Variants in HDAC10 observed in about 807,000 individuals in gnomAD.
HDAC10 encodes the protein histone deacetylase 10.
Under a neutral mutation model 82.3 loss-of-function variants are expected in HDAC10, and 90 were observed. The ratio of observed to expected loss-of-function variants is 1.09; its 90% confidence interval spans 0.92 to 1.30. The LOEUF (loss-of-function observed/expected upper bound fraction) is 1.30. Among genes scored for constraint, HDAC10 ranks in the 50% most tolerant of loss-of-function variants. HDAC10 has a pLI of 0.00. For missense variants in HDAC10, 934 were observed against 876.3 expected (o/e 1.07, Z -0.83); for synonymous variants, 456 against 391.7 (o/e 1.16, Z -1.94).
Position 50,249,825 on chromosome 22 carries a change from T to C in HDAC10, c.494+35A>G, listed in dbSNP as rs1385148778. On this transcript the variant is annotated intron_variant, in intron 5 of 19. Transcript: ENST00000216271. The surrounding 1 kb of genome is among the most constrained non-coding windows in gnomAD (Gnocchi z 4.4). ...CTGCGCTGCCCCTTGCTGTGTGGCC[T>C]GGGCCCACCCCCCTGCAGCCAGCCT... The C allele has an allele frequency of 1.9e-6, 3 of 1,604,566 alleles. No individual in the cohort carries two copies. The highest frequency in any genetic ancestry group is 2.7e-5 in the African/African-American group (2 of 74,836).
chr22:50,249,362 C>T lies in HDAC10; in HGVS notation c.656G>A (p.Gly219Asp). 1 of 1,612,258 alleles carries T rather than the reference C, an allele frequency of 6.2e-7. No individual in the cohort carries two copies. Among genetic ancestry groups the T allele is most frequent in the East Asian group, 2.2e-5 (1 of 44,864 alleles). The change falls in exon 7 of 20, where the codon GGC becomes GAC. Residue 219 changes from glycine (G) to aspartate (D), a missense_variant. Physicochemically the swap from Gly to Asp is moderately conservative, Grantham distance 94. Coordinates refer to ENST00000216271, the MANE Select transcript of HDAC10 (RefSeq NM_032019.6). This position sits in a 1 kb window ranked among gnomAD's most constrained non-coding sequence, Gnocchi z 4.4. ...SDADAVGRGQ[G>D]LGFTVNLPWN... ...GGGCAGGTTGACAGTGAAGCCGAGG[C>T]CCTGTCCCCGCCCCACTGCGTCTGC...
intron 16 of HDAC10, 120 bp from the exon 17 acceptor site, chr22:50,246,496 C>T: frequency 1.9e-6 from 2 of 1,056,856 alleles, no homozygotes; most frequent in Middle Eastern, 2.1e-4. Context: ...ACTGCTGAGC[C>T]TCTGTGCTGG....
At position 50,248,930 on chromosome 22, in the gene HDAC10, G is replaced by A. The variant is rs1161754675; in HGVS notation, c.757-40C>T. 3 of 1,595,162 alleles carry A rather than the reference G, an allele frequency of 1.9e-6. No homozygotes were observed. The highest frequency in any genetic ancestry group is 1.7e-5 in the Admixed American group (1 of 57,962). On this transcript the variant is annotated intron_variant, in intron 8 of 19. Coordinates refer to ENST00000216271, the MANE Select transcript of HDAC10 (RefSeq NM_032019.6). This position sits in a 1 kb window ranked among gnomAD's most constrained non-coding sequence, Gnocchi z 5.4. ...GGAGTGGGGAGGGTCGACAGAGAGG[G>A]GCTGGAGCCCAGGTGAGGGCGAGCC...
Position 50,249,607 on chromosome 22 carries a change from G to A in HDAC10, c.563+28C>T, listed in dbSNP as rs1212546497. 1.2e-6 allele frequency: 2 copies of A among 1,612,170 alleles called. No homozygotes were observed. The highest frequency in any genetic ancestry group is 1.7e-5 in the Admixed American group (1 of 59,990). On this transcript the variant is annotated intron_variant, in intron 6 of 19. Coordinates refer to ENST00000216271, the MANE Select transcript of HDAC10 (RefSeq NM_032019.6). The surrounding 1 kb of genome is among the most constrained non-coding windows in gnomAD (Gnocchi z 4.4). ...TGCACCCAAAAACTGGGGCTGCAGG[G>A]AAGGGTGGTTTCCGCACCCCTGCTC...
rs746487406 is a variant in HDAC10 at position 50,246,377 on chromosome 22, C to T, written c.1572-1G>A. 7 of 1,611,248 alleles carry T rather than the reference C, an allele frequency of 4.3e-6. No homozygotes were observed. The highest frequency in any genetic ancestry group is 2.2e-5 in the East Asian group (1 of 44,886). ...CCTGATGTTCAGCCACAGACTCCTC[C>T]TTCCAGGACACAGGTGCATAAGTGT... On this transcript the variant is annotated splice_acceptor_variant, in intron 16 of 19. Coordinates refer to ENST00000216271, the MANE Select transcript of HDAC10 (RefSeq NM_032019.6). LOFTEE classifies it high-confidence loss of function.
chr22:50,250,649 C>A, intron 2 of HDAC10, 122 bp downstream of exon 2: 1 of 1,329,250 alleles, frequency 7.5e-7, no homozygotes, highest in South Asian at 1.3e-5. Context: ...TGAGCCCACC[C>A]GAGGTGCATA....
At position 50,248,373 on chromosome 22, in the gene HDAC10, A is replaced by G. The variant is rs148078988; in HGVS notation, c.1006T>C (p.Cys336Arg). The change falls in exon 11 of 20, where the codon TGT becomes CGT. Residue 336 changes from cysteine to arginine, a missense_variant. Cys to Arg is a radical substitution (Grantham distance 180, BLOSUM62 -3). Coordinates refer to ENST00000216271, the MANE Select transcript of HDAC10 (RefSeq NM_032019.6). This position sits in a 1 kb window ranked among gnomAD's most constrained non-coding sequence, Gnocchi z 5.4. ...APPLSGPMAP[C>R]QSALESIQSA... ...CCCTACCTCCCCTCGCACCTCTGACATGGCGCCATTGGCCCTGACAGGGGT... is the reference window on the plus strand; with the variant it reads ...CCCTACCTCCCCTCGCACCTCTGACGTGGCGCCATTGGCCCTGACAGGGGT... The G allele has an allele frequency of 1.9e-6, 3 of 1,606,796 alleles. No homozygotes were observed. The highest frequency in any genetic ancestry group is 2.5e-6 in the Non-Finnish European group (3 of 1,176,752).
Position 50,249,787 on chromosome 22 carries a change from G to T in HDAC10, c.494+73C>A, listed in dbSNP as rs1478303961. The T allele has an allele frequency of 1.2e-6, 2 of 1,603,600 alleles. No homozygotes were observed. Among genetic ancestry groups the T allele is most frequent in the African/African-American group, 2.7e-5 (2 of 74,656 alleles). On this transcript the variant is annotated intron_variant, in intron 5 of 19. Coordinates refer to ENST00000216271, the MANE Select transcript of HDAC10 (RefSeq NM_032019.6). This position sits in a 1 kb window ranked among gnomAD's most constrained non-coding sequence, Gnocchi z 4.4. ...CCAGGGATGGGAAGGTGCTGGCTGGGTTCTCTCGCCTCCTGCGCTGCCCCT... is the reference window on the plus strand; with the variant it reads ...CCAGGGATGGGAAGGTGCTGGCTGGTTTCTCTCGCCTCCTGCGCTGCCCCT...
At position 50,249,737 on chromosome 22, in the gene HDAC10, G is replaced by A. The variant is rs551092606; in HGVS notation, c.495-34C>T. 1 of 1,611,456 alleles carries A rather than the reference G, an allele frequency of 6.2e-7. No homozygotes were observed. The highest frequency in any genetic ancestry group is 1.1e-5 in the South Asian group (1 of 91,044). The stretch of plus-strand genomic sequence containing the variant: ...AGACAGCGCTGGTGGCAAAGGGGCA[G>A]GGCCTCCCACCTCCAGGAGCCCGGC... On this transcript the variant is annotated intron_variant, in intron 5 of 19. Transcript: ENST00000216271. This position sits in a 1 kb window ranked among gnomAD's most constrained non-coding sequence, Gnocchi z 4.4.
In HDAC10 at chr22:50,249,203, G is replaced by T; in HGVS notation, c.691-35C>A. 1 of 1,508,012 alleles carries T rather than the reference G, an allele frequency of 6.6e-7. No homozygotes were observed. Among genetic ancestry groups the T allele is most frequent in the Non-Finnish European group, 9.0e-7 (1 of 1,110,190 alleles). 93.4% of individuals were successfully genotyped at this position (1,508,012 alleles called of 1,614,324 possible). On this transcript the variant is annotated intron_variant, in intron 7 of 19. Transcript: ENST00000216271. This position sits in a 1 kb window ranked among gnomAD's most constrained non-coding sequence, Gnocchi z 4.4. ...CATCCCAGGCTACATCCTGAACTGT[G>T]GGGCAGGGGAGGGGCCCGGGGGAGG...
chr22:50,250,844 G>A lies in HDAC10; in HGVS notation c.121C>T (p.Arg41Cys), dbSNP rs757751469. ...LTAALDRLRQ[R>C]GLEQRCLRLS... is the part of the protein sequence containing the mutation. ...CGCAGACACCTCTGTTCCAGGCCGCGCTGCCGCAGGCGATCCAGGGCTGCG... is the reference window on the plus strand; with the variant it reads ...CGCAGACACCTCTGTTCCAGGCCGCACTGCCGCAGGCGATCCAGGGCTGCG... Residue 41 changes from arginine to cysteine, a missense_variant, in exon 2 of 20, where the codon CGC becomes TGC. Arg to Cys is a radical substitution (Grantham distance 180). Transcript: ENST00000216271. The A allele has an allele frequency of 1.2e-6, 2 of 1,601,788 alleles. No homozygotes were observed. Among genetic ancestry groups the A allele is most frequent in the South Asian group, 1.1e-5 (1 of 89,556 alleles).
Position 50,248,514 on chromosome 22 carries a change from T to C in HDAC10, c.907-42A>G. 1.3e-6 allele frequency: 2 copies of C among 1,565,538 alleles called. No homozygotes were observed. The highest frequency in any genetic ancestry group is 1.1e-5 in the South Asian group (1 of 87,954). ...GACATGATTGGGGCAGAGATATCACTGGGATGGGATGTCACCGGGAGAGCC... is the reference window on the plus strand; with the variant it reads ...GACATGATTGGGGCAGAGATATCACCGGGATGGGATGTCACCGGGAGAGCC... On this transcript the variant is annotated intron_variant, in intron 10 of 19. Coordinates refer to ENST00000216271, the MANE Select transcript of HDAC10 (RefSeq NM_032019.6). The surrounding 1 kb of genome is among the most constrained non-coding windows in gnomAD (Gnocchi z 5.4).
At chr22:50,246,808 G>A in intron 15 of HDAC10, 67 bp downstream of exon 15, 2 of 1,599,076 alleles carry the variant, frequency 1.3e-6, no homozygotes, top group Non-Finnish European at 1.7e-6. Flanking sequence ...TCTGTGCTTG[G>A]CCAGCCAGGA....
chr22:50,245,455 G>C lies in HDAC10; in HGVS notation c.*52C>G, dbSNP rs1378473861. 15 of 752,644 alleles carry C rather than the reference G, an allele frequency of 2.0e-5. No homozygotes were observed. Among genetic ancestry groups the C allele is most frequent in the Non-Finnish European group, 3.2e-5 (13 of 410,250 alleles). The allele number at this position is 752,644 out of a possible 1,614,324, so 46.6% of individuals were successfully genotyped here. A position where few individuals can be genotyped will look rare whatever the true frequency, so the allele number is the denominator to read the frequency against. ...GGGGTCCGGATCGCGGCCGCGGGGCGCTGGCGTGCGGTGTCATTTCTGCGG... is the reference window on the plus strand; with the variant it reads ...GGGGTCCGGATCGCGGCCGCGGGGCCCTGGCGTGCGGTGTCATTTCTGCGG... On this transcript the variant is annotated 3_prime_UTR_variant, in exon 20 of 20. Transcript: ENST00000216271.
chr22:50,248,766 A>G lies in HDAC10; in HGVS notation c.817-15T>C. The G allele has an allele frequency of 5.0e-6, 8 of 1,591,294 alleles. No homozygotes were observed. Among genetic ancestry groups the G allele is most frequent in the Non-Finnish European group, 6.8e-6 (8 of 1,169,036 alleles). On this transcript the variant is annotated splice_polypyrimidine_tract_variant and intron_variant, in intron 9 of 19. Coordinates refer to ENST00000216271, the MANE Select transcript of HDAC10 (RefSeq NM_032019.6). This position sits in a 1 kb window ranked among gnomAD's most constrained non-coding sequence, Gnocchi z 5.4. ...TGCATTTGCCCCTGGAACCAGAGCC[A>G]TGTGTGATGGGGGACCTGGGCCCCA...
At position 50,249,889 on chromosome 22, in the gene HDAC10, T is replaced by C; in HGVS notation, c.465A>G (p.Ala155=). ...GTAGCCCGTGTTTCTGCTTGGCATG[T>C]GCAGCTGCTATGGCCACGTTGTTGA... ...CVFNNVAIAA[A]HAKQKHGLHR... is the part of the protein sequence containing the mutation. The change falls in exon 5 of 20, where the codon GCA becomes GCG. Residue 155 remains alanine (A), a synonymous_variant. Coordinates refer to ENST00000216271, the MANE Select transcript of HDAC10 (RefSeq NM_032019.6). This position sits in a 1 kb window ranked among gnomAD's most constrained non-coding sequence, Gnocchi z 4.4. 1.9e-6 allele frequency: 3 copies of C among 1,612,872 alleles called. No individual in the cohort carries two copies. Among genetic ancestry groups the C allele is most frequent in the Non-Finnish European group, 1.7e-6 (2 of 1,179,886 alleles).
intron 3 of HDAC10, 100 bp downstream of exon 3, chr22:50,250,327 G>T: frequency 7.9e-7 from 1 of 1,271,506 alleles, no homozygotes; most frequent in African/African-American, 1.5e-5. Context: ...TCATGTGTAT[G>T]GACCAGGGGA....
rs1357873082 is a variant in HDAC10 at position 50,250,876 on chromosome 22, C to A, written c.89G>T (p.Arg30Leu). The change falls in exon 2 of 20, where the codon CGC (arginine) becomes CTC (leucine). Residue 30 changes from arginine to leucine, a missense_variant. Coordinates refer to ENST00000216271, the MANE Select transcript of HDAC10 (RefSeq NM_032019.6). ...CAGGCGATCCAGGGCTGCGGTCAGG[C>A]GCTCAGGACGCTCGATCTCGCACTC... ...DPECEIERPE[R>L]LTAALDRLRQ... is the part of the protein sequence containing the mutation. 1 of 1,600,310 alleles carries A rather than the reference C, an allele frequency of 6.2e-7. No homozygotes were observed. The highest frequency in any genetic ancestry group is 2.3e-5 in the East Asian group (1 of 43,990).
At chr22:50,245,625 CGGCAGAGCCAGGCCCCAG>C (rs1002765535) in intron 19 of HDAC10, 32 bp downstream of exon 19, 6 of 1,610,162 alleles carry the variant, frequency 3.7e-6, no homozygotes, top group Non-Finnish European at 5.1e-6. Context: ...CCGATCTGTG[CGGCAGAGCCAGGCCCCAG>C]GGCAGGGCCA....
Sources: allele counts gnomAD v4.1 joint callset, GRCh38; gene constraint gnomAD v4.1.1; non-coding constraint Gnocchi (gnomAD v3.1); transcripts MANE v1.5; gene names NCBI Gene and HGNC (gene_info 2026-07-23, HGNC 2026-07-21).